GRIK2: variants seen among roughly 807,000 people sequenced by gnomAD.
GRIK2 encodes glutamate receptor ionotropic, kainate 2.
GRIK2 carries 32 observed loss-of-function variants against 100.3 expected under a neutral mutation model. The ratio of observed to expected loss-of-function variants is 0.32; its 90% CI spans 0.24 to 0.43. The LOEUF (loss-of-function observed/expected upper bound fraction) is 0.43, where lower values mean the gene tolerates loss of function less well. Among genes scored for constraint, GRIK2 ranks in the 20% least tolerant of loss-of-function variants. GRIK2 has a pLI of 1.00. For synonymous variants in GRIK2, 417 were observed against 389.4 expected, an observed-to-expected ratio of 1.07 and a Z score of -0.83; for missense variants, 843 against 1,114.9, an observed-to-expected ratio of 0.76 and a Z score of 3.47.
chr6:102,038,315 G>C (rs1770381399), intron 15 of GRIK2, among the ~76,000 whole-genome samples: 1 of 151,282 alleles, frequency 6.6e-6, no homozygotes, highest in African/African-American at 2.4e-5. Context: ...TTTCATTTGG[G>C]AAGAGCTGAA....
chr6:101,446,332 A>G (rs1412399248), intron 2 of GRIK2, among the ~76,000 whole-genome samples: 1 of 151,944 alleles, frequency 6.6e-6, no homozygotes, highest in Non-Finnish European at 1.5e-5. Flanking sequence ...CAGGACTTTT[A>G]TGAATTTTTC....
At chr6:101,515,625 G>A (rs769103316) in intron 2 of GRIK2, among the ~76,000 whole-genome samples, 4 of 152,022 alleles carry the variant, frequency 2.6e-5, no homozygotes, top group Non-Finnish European at 5.9e-5. Flanking sequence ...GAATAAGGTG[G>A]TATCCCATTG....
intron 2 of GRIK2, among the ~76,000 whole-genome samples, chr6:101,593,577 A>G (rs1166270212): frequency 6.6e-6 from 1 of 151,882 alleles, no homozygotes; most frequent in Non-Finnish European, 1.5e-5. Flanking sequence ...TTCAAGCTAC[A>G]GAGTGTATTT....
At chr6:101,818,294 A>G (rs1472830375) in intron 9 of GRIK2, 76 bp from the exon 10 acceptor site, 2 of 776,680 alleles carry the variant, frequency 2.6e-6, no homozygotes, top group Non-Finnish European at 4.4e-6. Flanking sequence ...AGTGTTAGCA[A>G]TCTTAACTTT....
chr6:101,541,010 G>A (rs1035809360), intron 2 of GRIK2, among the ~76,000 whole-genome samples: 9 of 151,930 alleles, frequency 5.9e-5, no homozygotes, highest in Non-Finnish European at 1.3e-4. Flanking sequence ...AATGAAAAAT[G>A]GAAATCAAGT....
chr6:101,712,281 A>T (rs1478379325), intron 7 of GRIK2, among the ~76,000 whole-genome samples: 1 of 151,808 alleles, frequency 6.6e-6, no homozygotes, highest in Non-Finnish European at 1.5e-5. Context: ...ATCCATGCAG[A>T]AATACAGAAT....
At chr6:101,794,690 T>C (rs1312085087) in intron 7 of GRIK2, among the ~76,000 whole-genome samples, 1 of 152,092 alleles carries the variant, frequency 6.6e-6, no homozygotes, top group Non-Finnish European at 1.5e-5. Flanking sequence ...TTCTTTGCTA[T>C]AATTATTTTG....
intron 2 of GRIK2, among the ~76,000 whole-genome samples, chr6:101,502,704 GT>G (rs1209936326): frequency 1.3e-5 from 2 of 152,106 alleles, no homozygotes; most frequent in African/African-American, 4.8e-5. Flanking sequence ...TAGCTGTCAG[GT>G]ATTGGTGAAT....
chr6:101,594,405 A>G (rs1778811584), intron 2 of GRIK2, among the ~76,000 whole-genome samples: 1 of 151,838 alleles, frequency 6.6e-6, no homozygotes, highest in Non-Finnish European at 1.5e-5. Context: ...GTTATATTTG[A>G]TGGATGTATT....
intron 10 of GRIK2, among the ~76,000 whole-genome samples, chr6:101,821,253 A>C (rs1291607230): frequency 6.6e-6 from 1 of 152,150 alleles, no homozygotes; most frequent in African/African-American, 2.4e-5. Context: ...AAGTGTTCAG[A>C]TATTGCTTCT....
rs546589205 is a variant in GRIK2 at position 101,648,669 on chromosome 6, T to G, written c.541+22032T>G. Among the ~76,000 whole-genome samples, 9 of 152,234 alleles carry G rather than the reference T, an allele frequency of 5.9e-5. No individual in the cohort carries two copies. In the East Asian group the frequency reaches 1.5e-3, roughly 26 times the overall value. On this transcript the variant is annotated intron_variant, in intron 4 of 16. Transcript: ENST00000369134. Reference sequence around the variant, plus strand: ...TTGAATTCAAAGCATAAAGATTGTTTATCAACCCTTGATTTCATTTATTTA... The same window carrying G: ...TTGAATTCAAAGCATAAAGATTGTTGATCAACCCTTGATTTCATTTATTTA...
At chr6:101,831,992 T>G (rs1262014024) in intron 10 of GRIK2, among the ~76,000 whole-genome samples, 2 of 152,082 alleles carry the variant, frequency 1.3e-5, no homozygotes, top group Non-Finnish European at 2.9e-5. Flanking sequence ...ACAAGCTTGG[T>G]ATCATCTGTA....
intron 2 of GRIK2, among the ~76,000 whole-genome samples, chr6:101,460,036 C>T (rs1771218584): frequency 6.6e-6 from 1 of 152,170 alleles, no homozygotes; most frequent in African/African-American, 2.4e-5. Flanking sequence ...GGATTATAGG[C>T]ATGAGCCACC....
intron 4 of GRIK2, among the ~76,000 whole-genome samples, chr6:101,642,712 C>T (rs896435495): frequency 6.6e-6 from 1 of 151,604 alleles, no homozygotes; most frequent in Non-Finnish European, 1.5e-5. Context: ...AAACAAATAT[C>T]TCTTTGAGGC....
intron 7 of GRIK2, among the ~76,000 whole-genome samples, chr6:101,691,189 T>C (rs549907868): frequency 6.6e-6 from 1 of 152,282 alleles, no homozygotes; most frequent in Admixed American, 6.5e-5. Context: ...TCCCCAAATA[T>C]ATGTTGGAGA....
chr6:101,442,343 C>G (rs990191922), intron 2 of GRIK2, among the ~76,000 whole-genome samples: 2 of 152,142 alleles, frequency 1.3e-5, no homozygotes, highest in Middle Eastern at 3.4e-3. Flanking sequence ...CTGTTGAATC[C>G]CAGGTTACCA....
At chr6:101,801,956 A>G (rs1780698235) in intron 8 of GRIK2, among the ~76,000 whole-genome samples, 1 of 151,836 alleles carries the variant, frequency 6.6e-6, no homozygotes, top group South Asian at 2.1e-4. Context: ...GTGGGATTTT[A>G]TAACAGTAGT....
chr6:101,831,056 T>A (rs1782648059), intron 10 of GRIK2, among the ~76,000 whole-genome samples: 1 of 152,074 alleles, frequency 6.6e-6, no homozygotes. Context: ...AAGCCCAAAC[T>A]TCAGCATCAC....
chr6:101,487,995 A>G lies in GRIK2; in HGVS notation c.115+88603A>G, dbSNP rs572886740. 1.7e-4 allele frequency among the ~76,000 whole-genome samples: 25 copies of G among 146,744 alleles called. 5 individuals carry two copies. The highest frequency in any genetic ancestry group is 1.3e-3 in the South Asian group (6 of 4,640). On this transcript the variant is annotated intron_variant, in intron 2 of 16. Transcript: ENST00000369134. ...TGATTTTTGGCTAAAAATTATGTTC[A>G]GATGGATGTCAACTATAAAGTTACA...
Sources: gnomAD v4.1 joint callset for allele counts (sites outside exome capture counted in the v4.1 genomes callset) on GRCh38, gnomAD v4.1.1 for gene constraint, MANE v1.5 for transcripts, NCBI Gene and HGNC (gene_info 2026-07-23, HGNC 2026-07-21) for gene names.